Variants in ANKRD36 observed in about 807,000 individuals in gnomAD.
ANKRD36 encodes the protein ankyrin repeat domain-containing protein 36A.
In ANKRD36, 179 loss-of-function variants were observed where a neutral mutation model predicts 278.1. The ratio of observed to expected loss-of-function variants is 0.64; its 90% confidence interval spans 0.57 to 0.73. The LOEUF (loss-of-function observed/expected upper bound fraction) is 0.73, where lower values mean the gene tolerates loss of function less well. Ranked by LOEUF, ANKRD36 falls within the 30% of genes least tolerant of loss-of-function variation. The pLI, the probability that ANKRD36 is intolerant of heterozygous loss-of-function variation, is 0.00. For missense variants in ANKRD36, 1,159 were observed against 1,956.7 expected, an observed-to-expected ratio of 0.59 and a Z score of 7.69; for synonymous variants, 320 against 641.1, an observed-to-expected ratio of 0.50 and a Z score of 7.57.
At chr2:97,201,159 A>AACACAATAAC (rs1268967652) in intron 46 of ANKRD36, among the ~76,000 whole-genome samples, 8 of 151,906 alleles carry the variant, frequency 5.3e-5, no homozygotes, top group Non-Finnish European at 1.0e-4. Context: ...TTGGCATAAA[A>AACACAATAAC]ACACAATAAC....
chr2:97,151,961 T>A (rs2046120555), intron 13 of ANKRD36, 22 bp downstream of exon 13: 1 of 1,417,802 alleles, frequency 7.1e-7, no homozygotes, highest in Non-Finnish European at 9.5e-7. Context: ...GAAGGCTGCC[T>A]ATTGTAGTAT....
intron 4 of ANKRD36, among the ~76,000 whole-genome samples, chr2:97,123,755 G>C (rs185288057): frequency 7.8e-5 from 10 of 128,632 alleles, no homozygotes; most frequent in African/African-American, 2.5e-4. Context: ...TATAATGTAA[G>C]TAACATCATA....
chr2:97,158,612 A>C lies in ANKRD36; in HGVS notation c.1346A>C (p.Lys449Thr). ...ENLDAACGID[K>T]TENGNMFEDQ... ...GTAGATGCTGCATGTGGCATTGACA[A>C]AACAGAAAATGGAAACATGTTTGAA... Residue 449 changes from lysine (K) to threonine (T), a missense_variant, in exon 17 of 76, where the codon AAA (lysine) becomes ACA (threonine). Lys to Thr is a moderately conservative substitution (Grantham distance 78). Coordinates refer to ENST00000420699, the MANE Select transcript of ANKRD36 (RefSeq NM_001354587.1). The C allele has an allele frequency of 6.5e-7, 1 of 1,536,462 alleles. No homozygotes were observed. The highest frequency in any genetic ancestry group is 8.7e-7 in the Non-Finnish European group (1 of 1,146,720).
At chr2:97,176,872 C>A (rs1160740693) in intron 22 of ANKRD36, among the ~76,000 whole-genome samples, 1 of 151,594 alleles carries the variant, frequency 6.6e-6, no homozygotes, top group Non-Finnish European at 1.5e-5. Flanking sequence ...TTTTATTTCT[C>A]CTTCACTTAT....
At chr2:97,199,853 A>C (rs1204976738) in intron 44 of ANKRD36, among the ~76,000 whole-genome samples, 5 of 152,040 alleles carry the variant, frequency 3.3e-5, no homozygotes, top group Middle Eastern at 6.8e-3. Context: ...GTGTACGTTC[A>C]ACTGGAGTGT....
intron 66 of ANKRD36, among the ~76,000 whole-genome samples, chr2:97,220,747 T>TA (rs1209898604): frequency 1.4e-4 from 18 of 130,124 alleles, no homozygotes; most frequent in Middle Eastern, 3.9e-3. Context: ...TTTTTTTTTT[T>TA]AATTTTTAAT....
At position 97,142,820 on chromosome 2, in the gene ANKRD36, C is replaced by A; in HGVS notation, c.886C>A (p.Gln296Lys). 6.4e-7 allele frequency: 1 copy of A among 1,563,246 alleles called. No individual in the cohort carries two copies. Among genetic ancestry groups the A allele is most frequent in the Non-Finnish European group, 8.7e-7 (1 of 1,154,312 alleles). Residue 296 changes from glutamine to lysine, a missense_variant, in exon 8 of 76, where the codon CAA becomes AAA. Coordinates refer to ENST00000420699, the MANE Select transcript of ANKRD36 (RefSeq NM_001354587.1). The stretch of plus-strand genomic sequence containing the variant: ...TATAGCCACAGAAATAAAGGATGGA[C>A]AAAAATCTGGGACAGGTATTTTGGA... ...SNIATEIKDG[Q>K]KSGTVSSQKQ... is the part of the protein sequence containing the mutation.
At chr2:97,180,386 C>G (rs1052905743) in intron 24 of ANKRD36, among the ~76,000 whole-genome samples, 3 of 151,478 alleles carry the variant, frequency 2.0e-5, no homozygotes, top group African/African-American at 7.3e-5. Context: ...TTATTTTCCT[C>G]AAGGAAGAGG....
At chr2:97,193,150 A>G in intron 38 of ANKRD36, 97 bp downstream of exon 38, 1 of 1,192,508 alleles carries the variant, frequency 8.4e-7, no homozygotes, top group Non-Finnish European at 1.2e-6. Context: ...GAAGCTGCAC[A>G]TTCTGATTCA....
At chr2:97,180,757 A>G (rs1404103141) in intron 24 of ANKRD36, among the ~76,000 whole-genome samples, 2 of 151,768 alleles carry the variant, frequency 1.3e-5, no homozygotes, top group Non-Finnish European at 2.9e-5. Flanking sequence ...GATACTCCCA[A>G]CAAGGCTATT....
At chr2:97,229,041 A>C (rs1258135970) in intron 67 of ANKRD36, among the ~76,000 whole-genome samples, 2 of 152,006 alleles carry the variant, frequency 1.3e-5, no homozygotes, top group Admixed American at 6.6e-5. Flanking sequence ...TTTGCTGAGG[A>C]GAGCTTTACT....
intron 67 of ANKRD36, among the ~76,000 whole-genome samples, chr2:97,225,197 A>T (rs1399925087): frequency 6.0e-5 from 9 of 151,154 alleles, no homozygotes; most frequent in African/African-American, 2.2e-4. Flanking sequence ...AAGCAATAGA[A>T]ATTATGAACA....
In ANKRD36 at chr2:97,194,855, A is replaced by C; in HGVS notation, c.2489A>C (p.Asp830Ala). ...TCAAATTCCACTCAGGCTACAAGTG[A>C]TGAGAAGGATTCTTTTTCGAATATA... The part of the protein sequence containing the change: ...RKKPALKATS[D>A]EKDSFSNITR... Residue 830 changes from aspartate (D) to alanine (A), a missense_variant, in exon 40 of 76, where the codon GAT becomes GCT. By Grantham distance (126) the Asp-to-Ala change is moderately radical (BLOSUM62 -2). Coordinates refer to ENST00000420699, the MANE Select transcript of ANKRD36 (RefSeq NM_001354587.1). 2 of 1,586,778 alleles carry C rather than the reference A, an allele frequency of 1.3e-6. No homozygotes were observed. The highest frequency in any genetic ancestry group is 1.7e-6 in the Non-Finnish European group (2 of 1,171,558).
In ANKRD36 at chr2:97,126,615, A is replaced by G. The variant is rs963590998; in HGVS notation, c.732-452A>G. ...TTTGGGATTTCAAAATAGTTTCAGC[A>G]ATAAATTTCAAGAACAAACTCCACT... On this transcript the variant is annotated intron_variant, in intron 5 of 75. Coordinates refer to ENST00000420699, the MANE Select transcript of ANKRD36 (RefSeq NM_001354587.1). 9.2e-5 allele frequency among the ~76,000 whole-genome samples: 14 copies of G among 152,086 alleles called. No homozygotes were observed. The East Asian group carries it at 2.1e-3, about 23-fold the overall frequency.
intron 30 of ANKRD36, among the ~76,000 whole-genome samples, chr2:97,186,069 A>G (rs1429723868): frequency 6.6e-6 from 1 of 151,808 alleles, no homozygotes; most frequent in Non-Finnish European, 1.5e-5. Flanking sequence ...TGCATTTAGC[A>G]TATTTACACA....
intron 6 of ANKRD36, among the ~76,000 whole-genome samples, chr2:97,132,101 A>G (rs981155991): frequency 7.3e-5 from 11 of 151,658 alleles, no homozygotes; most frequent in African/African-American, 2.7e-4. Flanking sequence ...TGTTTGGATT[A>G]CAGGTGTGAG....
At chr2:97,148,294 T>C (rs2044864226) in intron 11 of ANKRD36, among the ~76,000 whole-genome samples, 1 of 152,306 alleles carries the variant, frequency 6.6e-6, no homozygotes, top group Non-Finnish European at 1.5e-5. Flanking sequence ...GAGACTAACT[T>C]ACTTTCCAGA....
chr2:97,199,270 A>G (rs527336916), intron 44 of ANKRD36, among the ~76,000 whole-genome samples: 20 of 152,062 alleles, frequency 1.3e-4, no homozygotes, highest in Non-Finnish European at 2.9e-4. Flanking sequence ...GAAGCAGGAA[A>G]CAATGGTATA....
At chr2:97,171,550 G>A (rs2052504065) in intron 22 of ANKRD36, among the ~76,000 whole-genome samples, 1 of 105,630 alleles carries the variant, frequency 9.5e-6, no homozygotes, top group Admixed American at 1.1e-4. Flanking sequence ...GGGGACTGTG[G>A]TGGGGTGGGG....
Sources: gnomAD v4.1 joint callset for allele counts (sites outside exome capture counted in the v4.1 genomes callset) on GRCh38, gnomAD v4.1.1 for gene constraint, MANE v1.5 for transcripts, NCBI Gene and HGNC (gene_info 2026-07-23, HGNC 2026-07-21) for gene names.